The following NALF1 variants were observed in gnomAD, a reference collection of about 807,000 sequenced individuals.
NALF1 encodes NALCN channel auxiliary factor 1.
Under a neutral mutation model 48.4 loss-of-function variants are expected in NALF1, and 3 were observed. That is an observed-to-expected ratio of 0.06 (90% CI 0.03 to 0.16). The LOEUF (loss-of-function observed/expected upper bound fraction) is 0.16. NALF1 is among the 10% of genes least tolerant of loss of function. The probability of loss-of-function intolerance (pLI) is 1.00; values close to 1 mark genes in which losing one functional copy is unlikely to be tolerated. For synonymous variants in NALF1, 262 were observed against 245.7 expected (o/e 1.07, Z -0.62); for missense variants, 526 against 571.5 (o/e 0.92, Z 0.81).
Position 107,248,386 on chromosome 13 carries a change from T to C in NALF1, c.916-37631A>G, listed in dbSNP as rs559058942. ...TCCTGCTGAGGTATTGCTGGTTTAG[T>C]TATCCAACTGCTTATGGCTTACTGT... On this transcript the variant is annotated intron_variant, in intron 1 of 2. Coordinates refer to ENST00000375915, the MANE Select transcript of NALF1 (RefSeq NM_001080396.3). Among the ~76,000 whole-genome samples, 28 of 152,130 alleles carry C rather than the reference T, an allele frequency of 1.8e-4. No homozygotes were observed. In the South Asian group the frequency reaches 2.3e-3, roughly 12 times the overall value.
chr13:107,383,561 C>T (rs1220628884), intron 1 of NALF1, among the ~76,000 whole-genome samples: 5 of 151,890 alleles, frequency 3.3e-5, no homozygotes, highest in South Asian at 2.1e-4. Context: ...ATTATTCTTA[C>T]GAGGACTACA....
chr13:107,696,694 C>A (rs573276407), intron 1 of NALF1, among the ~76,000 whole-genome samples: 206 of 151,996 alleles, frequency 1.4e-3, no homozygotes, highest in African/African-American at 4.8e-3. Context: ...TGTAAAAGAA[C>A]CAGTAGCGTT....
At chr13:107,276,644 C>A (rs59859811) in intron 1 of NALF1, among the ~76,000 whole-genome samples, 10,970 of 151,986 alleles carry the variant, frequency 0.072, 748 homozygotes, top group East Asian at 0.37. Context: ...AGAAAAACTT[C>A]AACATATTCC....
At chr13:107,847,003 T>A (rs1349235465) in intron 1 of NALF1, among the ~76,000 whole-genome samples, 1 of 152,130 alleles carries the variant, frequency 6.6e-6, no homozygotes, top group Non-Finnish European at 1.5e-5. Flanking sequence ...AGCAATTATA[T>A]AACATTTATT....
chr13:107,280,860 C>A (rs1881373297), intron 1 of NALF1, among the ~76,000 whole-genome samples: 1 of 152,192 alleles, frequency 6.6e-6, no homozygotes, highest in South Asian at 2.1e-4. Flanking sequence ...CTCAAAATTG[C>A]ATCCCTGATT....
chr13:107,611,142 T>C (rs1005625707), intron 1 of NALF1, among the ~76,000 whole-genome samples: 13 of 152,200 alleles, frequency 8.5e-5, no homozygotes, highest in African/African-American at 3.1e-4. Flanking sequence ...CCCCTCCTGG[T>C]ATTTAGCAGT....
At chr13:107,245,442 T>C (rs542945721) in intron 1 of NALF1, among the ~76,000 whole-genome samples, 1 of 152,240 alleles carries the variant, frequency 6.6e-6, no homozygotes, top group African/African-American at 2.4e-5. Flanking sequence ...CTCCAAGTTA[T>C]CTGGCTCAGC....
chr13:107,611,780 G>A (rs895634064), intron 1 of NALF1, among the ~76,000 whole-genome samples: 2 of 151,328 alleles, frequency 1.3e-5, no homozygotes, highest in Non-Finnish European at 2.9e-5. Flanking sequence ...AAAATTAGCA[G>A]GGAATGGTGG....
At chr13:107,384,987 T>G (rs930555581) in intron 1 of NALF1, among the ~76,000 whole-genome samples, 1 of 152,198 alleles carries the variant, frequency 6.6e-6, no homozygotes, top group Non-Finnish European at 1.5e-5. Context: ...TGTTTCTCCA[T>G]CTACAGAAAG....
At position 107,170,681 on chromosome 13, in the gene NALF1, G is replaced by C. The variant is rs774707777; in HGVS notation, c.1193C>G (p.Ser398Cys). 1 of 1,614,178 alleles carries C rather than the reference G, an allele frequency of 6.2e-7. No homozygotes were observed. Among genetic ancestry groups the C allele is most frequent in the Non-Finnish European group, 8.5e-7 (1 of 1,180,042 alleles). The stretch of plus-strand genomic sequence containing the variant: ...CACTGTGAGCGATGTCCTGTGACAG[G>C]AGCCACTTTTCTCTACGGTCCCTTT... ...PSKGTVEKSG[S>C]CHRTSLTVSS... is the part of the protein sequence containing the mutation. The change falls in exon 3 of 3, where the codon TCC becomes TGC. Residue 398 changes from serine (S) to cysteine (C), a missense_variant. By Grantham distance (112) the Ser-to-Cys change is moderately radical (BLOSUM62 -1). This residue lies in a region of NALF1 where 153 missense variants were observed against 215.9 expected (regional missense o/e 0.71). Transcript: ENST00000375915.
At chr13:107,318,437 T>C (rs2138911246) in intron 1 of NALF1, among the ~76,000 whole-genome samples, 1 of 152,252 alleles carries the variant, frequency 6.6e-6, no homozygotes, top group East Asian at 1.9e-4. Context: ...GTGAGCCATG[T>C]TATGAGTACC....
At chr13:107,780,692 GA>G (rs1334744833) in intron 1 of NALF1, among the ~76,000 whole-genome samples, 1 of 151,892 alleles carries the variant, frequency 6.6e-6, no homozygotes, top group African/African-American at 2.4e-5. Context: ...AGCACTTTGG[GA>G]TGCCGAGGCA....
chr13:107,358,884 T>C (rs1257805306), intron 1 of NALF1, among the ~76,000 whole-genome samples: 1 of 152,168 alleles, frequency 6.6e-6, no homozygotes, highest in Non-Finnish European at 1.5e-5. Context: ...TGGCAGCTAC[T>C]CTTTATGAAC....
intron 1 of NALF1, among the ~76,000 whole-genome samples, chr13:107,673,964 A>C (rs770117603): frequency 6.6e-5 from 10 of 152,152 alleles, no homozygotes; most frequent in Non-Finnish European, 8.8e-5. Flanking sequence ...GGCCGGCTCC[A>C]CATGAGCTGG....
chr13:107,313,712 G>T (rs1256923868), intron 1 of NALF1, among the ~76,000 whole-genome samples: 1 of 152,142 alleles, frequency 6.6e-6, no homozygotes, highest in Non-Finnish European at 1.5e-5. Flanking sequence ...AGGCATAAGT[G>T]ACTATTCCTC....
At chr13:107,393,428 G>A (rs988523784) in intron 1 of NALF1, among the ~76,000 whole-genome samples, 3 of 152,150 alleles carry the variant, frequency 2.0e-5, no homozygotes, top group Non-Finnish European at 2.9e-5. Context: ...AATATTTGGT[G>A]CAAGCAGTGG....
intron 1 of NALF1, among the ~76,000 whole-genome samples, chr13:107,272,614 CTG>C (rs1881199530): frequency 6.6e-6 from 1 of 152,090 alleles, no homozygotes; most frequent in Non-Finnish European, 1.5e-5. Context: ...CATTTCATAA[CTG>C]TAGTGAAGTC....
At chr13:107,647,104 G>A (rs1880333664) in intron 1 of NALF1, among the ~76,000 whole-genome samples, 1 of 151,878 alleles carries the variant, frequency 6.6e-6, no homozygotes, top group Non-Finnish European at 1.5e-5. Context: ...TTAAATACAT[G>A]ATATTATATG....
intron 1 of NALF1, among the ~76,000 whole-genome samples, chr13:107,666,519 G>A (rs1476987297): frequency 2.0e-5 from 3 of 152,086 alleles, no homozygotes; most frequent in African/African-American, 4.8e-5. Flanking sequence ...TGGCACCCAC[G>A]GGGTGGAAAG....
Sources: gnomAD v4.1 joint callset for allele counts (sites outside exome capture counted in the v4.1 genomes callset) on GRCh38, gnomAD v4.1.1 for gene constraint, gnomAD v4.1.1 regional missense constraint, MANE v1.5 for transcripts, NCBI Gene and HGNC (gene_info 2026-07-23, HGNC 2026-07-21) for gene names.